The following OSBP2 variants were observed in gnomAD, a reference collection of about 807,000 sequenced individuals.
OSBP2 encodes oxysterol-binding protein 2.
Under a neutral mutation model 96.0 loss-of-function variants are expected in OSBP2, and 66 were observed. The observed-to-expected ratio is 0.69, with a 90% CI of 0.56 to 0.84. The LOEUF (loss-of-function observed/expected upper bound fraction) is 0.84, where lower values mean the gene tolerates loss of function less well. Among genes scored for constraint, OSBP2 ranks in the 40% least tolerant of loss-of-function variants. The probability of loss-of-function intolerance (pLI) is 0.00; values close to 1 mark genes in which losing one functional copy is unlikely to be tolerated. For missense variants in OSBP2, 1,038 were observed against 1,222.7 expected (o/e 0.85, Z 2.25); for synonymous variants, 525 against 520.9 (o/e 1.01, Z -0.11).
chr22:30,710,153 GC>G (rs137985974), intron 1 of OSBP2, among the ~76,000 whole-genome samples: 7,438 of 152,150 alleles, frequency 0.049, 624 homozygotes, highest in African/African-American at 0.17. Context: ...CCAAAGTGCT[GC>G]GATTACAGGT....
chr22:30,807,632 T>C (rs2090946545), intron 2 of OSBP2, among the ~76,000 whole-genome samples: 1 of 152,110 alleles, frequency 6.6e-6, no homozygotes, highest in South Asian at 2.1e-4. Context: ...CATGGTACTC[T>C]TTCTCCCTGG....
Position 30,889,149 on chromosome 22 carries a change from T to G in OSBP2, c.1419-28T>G, listed in dbSNP as rs12166521. 5.0e-6 allele frequency: 8 copies of G among 1,607,284 alleles called. No individual in the cohort carries two copies. The East Asian group carries it at 1.8e-4, about 36-fold the overall frequency. On this transcript the variant is annotated intron_variant, in intron 5 of 13. Transcript: ENST00000332585. ...CCAAGGAGACCTCGGGATTCATTAG[T>G]AACTTGCCTCCCGCTTTGTATTTCC... is the stretch of plus-strand genomic sequence containing the variant.
In OSBP2 at chr22:30,890,952, C is replaced by T; in HGVS notation, c.1848C>T (p.Gly616=). The T allele has an allele frequency of 6.2e-7, 1 of 1,609,232 alleles. No homozygotes were observed. The highest frequency in any genetic ancestry group is 8.5e-7 in the Non-Finnish European group (1 of 1,179,972). ...AGCTGGACCGCCTCGACGACATGGG[C>T]CTGCGCTCCCTCTGTGAGCAGGTGA... The part of the protein sequence containing the change: ...TFELDRLDDM[G]LRSLCEQVSH... The change falls in exon 8 of 14, where the codon GGC becomes GGT. Residue 616 remains glycine (G), a synonymous_variant. Transcript: ENST00000332585. This position sits in a 1 kb window ranked among gnomAD's most constrained non-coding sequence, Gnocchi z 4.4.
In OSBP2 at chr22:30,870,380, G is replaced by A; in HGVS notation, c.854-49G>A. The A allele has an allele frequency of 6.2e-7, 1 of 1,601,306 alleles. No homozygotes were observed. Among genetic ancestry groups the A allele is most frequent in the Non-Finnish European group, 8.5e-7 (1 of 1,174,562 alleles). ...TCGGCCTGGCTGTGCAGGCCTCTTG[G>A]TACCACGTCTGTTCGTAATGACCGT... On this transcript the variant is annotated intron_variant, in intron 2 of 13. Coordinates refer to ENST00000332585, the MANE Select transcript of OSBP2 (RefSeq NM_030758.4). The surrounding 1 kb of genome is among the most constrained non-coding windows in gnomAD (Gnocchi z 4.1).
At chr22:30,758,855 G>GA (rs1326230172) in intron 2 of OSBP2, among the ~76,000 whole-genome samples, 2 of 152,068 alleles carry the variant, frequency 1.3e-5, no homozygotes, top group African/African-American at 2.4e-5. Context: ...AAGAGAACCA[G>GA]AAAAAAACAG....
intron 2 of OSBP2, among the ~76,000 whole-genome samples, chr22:30,810,734 G>C (rs1342056141): frequency 6.6e-6 from 1 of 152,176 alleles, no homozygotes; most frequent in Non-Finnish European, 1.5e-5. Flanking sequence ...TGTGCCACGG[G>C]TGCGCCAAAT....
At chr22:30,877,245 A>AT (rs1207253211) in intron 3 of OSBP2, among the ~76,000 whole-genome samples, 3 of 151,904 alleles carry the variant, frequency 2.0e-5, no homozygotes, top group African/African-American at 4.8e-5. Flanking sequence ...CTAGTGGGTA[A>AT]TTTTTTTTGA....
intron 2 of OSBP2, among the ~76,000 whole-genome samples, chr22:30,816,443 C>T (rs561359114): frequency 1.2e-4 from 18 of 152,286 alleles, no homozygotes; most frequent in East Asian, 1.9e-4. Context: ...CCTGAGAAGA[C>T]GCTGATCTCC....
chr22:30,807,673 CTAGAG>C (rs1217707416), intron 2 of OSBP2, among the ~76,000 whole-genome samples: 3 of 152,224 alleles, frequency 2.0e-5, no homozygotes, highest in African/African-American at 7.2e-5. Context: ...ACCTCCAGCT[CTAGAG>C]CTGCCTCCTC....
chr22:30,700,434 A>G (rs1190825748), intron 1 of OSBP2, among the ~76,000 whole-genome samples: 1 of 152,174 alleles, frequency 6.6e-6, no homozygotes, highest in Non-Finnish European at 1.5e-5. Flanking sequence ...CACAGGGAAC[A>G]CGTGATTCCA....
intron 2 of OSBP2, among the ~76,000 whole-genome samples, chr22:30,847,051 C>G (rs1465852783): frequency 6.6e-6 from 1 of 152,068 alleles, no homozygotes; most frequent in African/African-American, 2.4e-5. Flanking sequence ...AATCTTGGCT[C>G]ACTGCAACTT....
At chr22:30,780,093 C>T (rs975676862) in intron 2 of OSBP2, among the ~76,000 whole-genome samples, 4 of 152,330 alleles carry the variant, frequency 2.6e-5, no homozygotes, top group Admixed American at 2.6e-4. Flanking sequence ...ATCAAGATGC[C>T]AGAACTGAAG....
intron 1 of OSBP2, among the ~76,000 whole-genome samples, chr22:30,738,603 C>G (rs1249271807): frequency 6.6e-6 from 1 of 151,894 alleles, no homozygotes. Flanking sequence ...TCTTGTTGCC[C>G]AGGCTGGAGT....
rs906316357 is a variant in OSBP2 at position 30,881,433 on chromosome 22, AT to A, written c.1108-5991del. 1.3e-5 allele frequency among the ~76,000 whole-genome samples: 2 copies of A among 152,020 alleles called. No homozygotes were observed. The highest frequency in any genetic ancestry group is 4.8e-5 in the African/African-American group (2 of 41,374). On this transcript the variant is annotated intron_variant, in intron 3 of 13. Transcript: ENST00000332585. This position sits in a 1 kb window ranked among gnomAD's most constrained non-coding sequence, Gnocchi z 4.5. The stretch of plus-strand genomic sequence containing the variant: ...CCCCTCACTCTCTTCCCCTTAAACA[AT>A]TCAGGACACAAATGTGCGGGTAGGG...
In OSBP2 at chr22:30,695,544, C is replaced by G. The variant is rs2089012827; in HGVS notation, c.635C>G (p.Ser212Cys). The G allele has an allele frequency of 6.8e-6, 11 of 1,607,816 alleles. No homozygotes were observed. Among genetic ancestry groups the G allele is most frequent in the Non-Finnish European group, 9.3e-6 (11 of 1,179,470 alleles). ...TTCGTGCTGGGCAATGGTTTGCTCT[C>G]TTACTACAGGTATGGAAGCGCCAGG... ...RWFVLGNGLL[S>C]YYRNQGEMAH... Residue 212 changes from serine (S) to cysteine (C), a missense_variant, in exon 1 of 14, where the codon TCT becomes TGT. This residue lies in a region of OSBP2 where 281 missense variants were observed against 273.4 expected (regional missense o/e 1.03). Coordinates refer to ENST00000332585, the MANE Select transcript of OSBP2 (RefSeq NM_030758.4).
At chr22:30,822,574 C>T in intron 2 of OSBP2, 14 of 1,516,328 alleles carry the variant, frequency 9.2e-6, no homozygotes, top group Non-Finnish European at 1.1e-5. Context: ...CGTGCAAGCC[C>T]CCGGGACCCG....
chr22:30,902,449 G>A, intron 12 of OSBP2: 1 of 1,585,794 alleles, frequency 6.3e-7, no homozygotes, highest in Non-Finnish European at 8.6e-7. Context: ...CATTGCAGAA[G>A]GCAGAAAACA....
At chr22:30,769,451 C>T (rs1005490943) in intron 2 of OSBP2, among the ~76,000 whole-genome samples, 1 of 152,142 alleles carries the variant, frequency 6.6e-6, no homozygotes, top group Admixed American at 6.5e-5. Flanking sequence ...GAGTTTGAGA[C>T]CAGCCTGGCC....
In OSBP2 at chr22:30,902,115, A is replaced by AC. The variant is rs1235571111; in HGVS notation, c.2376-3722_2376-3721insC. On this transcript the variant is annotated intron_variant, in intron 12 of 13. Coordinates refer to ENST00000332585, the MANE Select transcript of OSBP2 (RefSeq NM_030758.4). ...GGTAAATCTTAGCAATATAAGAAAA[A>AC]AAAAAAAAACGAAAAAAAAAAAACC... 2.4e-4 allele frequency: 31 copies of AC among 131,326 alleles called. 2 individuals are homozygous for AC. Among genetic ancestry groups the AC allele is most frequent in the East Asian group, 1.5e-3 (5 of 3,400 alleles). 8.1% of individuals were successfully genotyped at this position (131,326 alleles called of 1,614,324 possible).
Sources: allele counts gnomAD v4.1 joint callset (sites outside exome capture counted in the v4.1 genomes callset), GRCh38; gene constraint gnomAD v4.1.1; regional missense constraint gnomAD v4.1.1; non-coding constraint Gnocchi (gnomAD v3.1); transcripts MANE v1.5; gene names NCBI Gene and HGNC (gene_info 2026-07-23, HGNC 2026-07-21).